The following PPP1R9A variants were observed in gnomAD, a reference collection of about 807,000 sequenced individuals.
PPP1R9A encodes the protein protein phosphatase 1 regulatory subunit 9A, also known as neurabin-1.
In PPP1R9A, 59 loss-of-function variants were observed where a neutral mutation model predicts 141.9. That is an observed-to-expected ratio of 0.42 (90% CI 0.34 to 0.52). The LOEUF (loss-of-function observed/expected upper bound fraction) is 0.52, where lower values mean the gene tolerates loss of function less well. PPP1R9A is among the 20% of genes least tolerant of loss of function. The pLI, the probability that PPP1R9A is intolerant of heterozygous loss-of-function variation, is 0.10. For synonymous variants in PPP1R9A, 500 were observed against 569.7 expected (o/e 0.88, Z 1.74); for missense variants, 1,444 against 1,611.9 (o/e 0.90, Z 1.78).
At chr7:94,918,433 A>G (rs563171060) in intron 2 of PPP1R9A, among the ~76,000 whole-genome samples, 2 of 152,220 alleles carry the variant, frequency 1.3e-5, no homozygotes, top group Non-Finnish European at 2.9e-5. Flanking sequence ...TGGTGTGTGT[A>G]GGGAGGTGGT....
chr7:95,205,800 C>T (rs1185508412), intron 7 of PPP1R9A, among the ~76,000 whole-genome samples: 1 of 152,128 alleles, frequency 6.6e-6, no homozygotes, highest in Non-Finnish European at 1.5e-5. Flanking sequence ...CTCTTTCTGT[C>T]ATTATTTATC....
chr7:95,028,163 GA>G (rs1203008905), intron 2 of PPP1R9A, among the ~76,000 whole-genome samples: 1 of 152,090 alleles, frequency 6.6e-6, no homozygotes, highest in Non-Finnish European at 1.5e-5. Flanking sequence ...TCAGGATTCA[GA>G]ATCACCTCAG....
intron 5 of PPP1R9A, among the ~76,000 whole-genome samples, chr7:95,183,788 C>G (rs139147610): frequency 2.4e-4 from 36 of 152,040 alleles, no homozygotes; most frequent in African/African-American, 8.2e-4. Flanking sequence ...ATAGGAAATT[C>G]ATTTCAAAGA....
intron 4 of PPP1R9A, among the ~76,000 whole-genome samples, chr7:95,159,921 G>C (rs1300068303): frequency 9.8e-6 from 1 of 101,736 alleles, no homozygotes; most frequent in Non-Finnish European, 2.0e-5. Flanking sequence ...GGGAGACATT[G>C]TCTCAAAAAA....
chr7:95,166,961 T>C (rs981244090), intron 5 of PPP1R9A, among the ~76,000 whole-genome samples: 6 of 152,124 alleles, frequency 3.9e-5, no homozygotes, highest in Non-Finnish European at 8.8e-5. Flanking sequence ...TAAAATTCAG[T>C]ATCCCTTCAT....
intron 2 of PPP1R9A, among the ~76,000 whole-genome samples, chr7:94,935,549 A>G (rs936225428): frequency 4.6e-5 from 7 of 152,194 alleles, no homozygotes; most frequent in Non-Finnish European, 8.8e-5. Context: ...TTTAAATGTG[A>G]TATTATTTAA....
At chr7:94,964,524 C>T (rs531011189) in intron 2 of PPP1R9A, among the ~76,000 whole-genome samples, 2 of 152,156 alleles carry the variant, frequency 1.3e-5, no homozygotes, top group South Asian at 4.2e-4. Context: ...TGTGATGTTC[C>T]CCTCCCTGTG....
In PPP1R9A at chr7:95,273,913, C is replaced by T; in HGVS notation, c.3139C>T (p.Pro1047Ser). Reference sequence around the variant, plus strand: ...GTATATCCTAGATGATGCCAAAGATCCCAAATCACTAAGGGCATCCAGTTC... The same window carrying T: ...GTATATCCTAGATGATGCCAAAGATTCCAAATCACTAAGGGCATCCAGTTC... ...ILREKDDAKD[P>S]KSLRASSSLA... Residue 1047 changes from proline (P) to serine (S), a missense_variant, in exon 15 of 20, where the codon CCC becomes TCC. Around this residue, in one of 5 missense-constraint regions of PPP1R9A, gnomAD observed 459 missense variants for 513.8 expected, o/e 0.89. Coordinates refer to ENST00000433360, the MANE Select transcript of PPP1R9A (RefSeq NM_001166160.2). 6.7e-7 allele frequency: 1 copy of T among 1,502,914 alleles called. No individual in the cohort carries two copies. The highest frequency in any genetic ancestry group is 9.1e-7 in the Non-Finnish European group (1 of 1,094,290). 93.1% of individuals were successfully genotyped at this position (1,502,914 alleles called of 1,614,324 possible). A position where few individuals can be genotyped will look rare whatever the true frequency, so the allele number is the denominator to read the frequency against.
rs536485604 is a variant in PPP1R9A, at chr7:95,178,778, A to C, written c.1754+16807A>C. Among the ~76,000 whole-genome samples, 113 of 152,284 alleles carry C rather than the reference A, an allele frequency of 7.4e-4. 2 individuals carry two copies. The highest frequency in any genetic ancestry group is 2.6e-3 in the African/African-American group (109 of 41,566). ...ATGTGCATACACTAGAAAACCTAGA[A>C]GAGATGGATAAATTCTTTGTAAGAT... On this transcript the variant is annotated intron_variant, in intron 5 of 19. Transcript: ENST00000433360.
At chr7:95,232,050 C>T (rs1056793325) in intron 8 of PPP1R9A, among the ~76,000 whole-genome samples, 13 of 151,818 alleles carry the variant, frequency 8.6e-5, no homozygotes, top group Admixed American at 2.0e-4. Context: ...ACAAATGAAA[C>T]GGGAGATACT....
chr7:94,936,880 C>T (rs1158257497), intron 2 of PPP1R9A, among the ~76,000 whole-genome samples: 2 of 151,998 alleles, frequency 1.3e-5, no homozygotes, highest in Non-Finnish European at 2.9e-5. Flanking sequence ...TTAAAAGACT[C>T]TTTAGCTCTT....
chr7:95,012,452 C>CA (rs1804557204), intron 2 of PPP1R9A, among the ~76,000 whole-genome samples: 1 of 152,166 alleles, frequency 6.6e-6, no homozygotes, highest in Non-Finnish European at 1.5e-5. Flanking sequence ...CCACCTCCAA[C>CA]ATGGGGGATT....
Position 95,034,788 on chromosome 7 carries a change from T to C in PPP1R9A, c.1396-76471T>C, listed in dbSNP as rs534432174. On this transcript the variant is annotated intron_variant, in intron 2 of 19. Coordinates refer to ENST00000433360, the MANE Select transcript of PPP1R9A (RefSeq NM_001166160.2). ...ATATTCTAGTTTGAGAAGTAAGAGATACTTGATTTTATAGTGTTAATAGCA... is the reference window on the plus strand; with the variant it reads ...ATATTCTAGTTTGAGAAGTAAGAGACACTTGATTTTATAGTGTTAATAGCA... 1.9e-3 allele frequency among the ~76,000 whole-genome samples: 292 copies of C among 152,344 alleles called. 2 individuals are homozygous for C. Among genetic ancestry groups the C allele is most frequent in the African/African-American group, 6.6e-3 (273 of 41,588 alleles).
intron 2 of PPP1R9A, among the ~76,000 whole-genome samples, chr7:94,932,563 G>C (rs1428194374): frequency 2.6e-5 from 4 of 152,124 alleles, no homozygotes; most frequent in Admixed American, 6.6e-5. Context: ...AAAATTGAGA[G>C]AGTATGTATT....
At chr7:94,933,402 A>T (rs1043395417) in intron 2 of PPP1R9A, among the ~76,000 whole-genome samples, 1 of 152,104 alleles carries the variant, frequency 6.6e-6, no homozygotes, top group African/African-American at 2.4e-5. Flanking sequence ...TTAAGTCATG[A>T]CTGAATTTAG....
chr7:95,245,466 G>T (rs73431099), intron 8 of PPP1R9A, among the ~76,000 whole-genome samples: 1 of 152,032 alleles, frequency 6.6e-6, no homozygotes, highest in Non-Finnish European at 1.5e-5. Context: ...TAGTCTTCCC[G>T]TGTCTAAAAT....
intron 2 of PPP1R9A, among the ~76,000 whole-genome samples, chr7:94,934,847 T>TA (rs1794589107): frequency 6.9e-6 from 1 of 144,332 alleles, no homozygotes; most frequent in African/African-American, 2.7e-5. Context: ...TACGTATACA[T>TA]ACACACACAC....
At chr7:95,160,116 G>C (rs941829677) in intron 4 of PPP1R9A, among the ~76,000 whole-genome samples, 2 of 151,666 alleles carry the variant, frequency 1.3e-5, no homozygotes, top group Non-Finnish European at 2.9e-5. Context: ...AAATGTAAAA[G>C]TATTATACAA....
intron 2 of PPP1R9A, among the ~76,000 whole-genome samples, chr7:94,937,724 G>C (rs1404841382): frequency 1.1e-4 from 16 of 152,132 alleles, no homozygotes; most frequent in Admixed American, 1.0e-3. Context: ...AGATTGAAAA[G>C]AATACAGGTT....
Sources: allele counts gnomAD v4.1 joint callset (sites outside exome capture counted in the v4.1 genomes callset), GRCh38; gene constraint gnomAD v4.1.1; regional missense constraint gnomAD v4.1.1; transcripts MANE v1.5; gene names NCBI Gene and HGNC (gene_info 2026-07-23, HGNC 2026-07-21).